Variants in MROH9 observed in about 807,000 individuals in gnomAD.
The protein encoded by MROH9 is maestro heat like repeat family member 9.
MROH9 carries 92 observed loss-of-function variants against 98.2 expected under a neutral mutation model. The ratio of observed to expected loss-of-function variants is 0.94; its 90% CI spans 0.79 to 1.11. The LOEUF is 1.11. Among genes scored for constraint, MROH9 ranks in the 50% most tolerant of loss-of-function variants. The pLI is 0.00. For missense variants in MROH9, 1,057 were observed against 1,014.8 expected (o/e 1.04, Z -0.57); for synonymous variants, 397 against 368.9 (o/e 1.08, Z -0.87).
chr1:171,020,127 G>T (rs994017157), intron 17 of MROH9, among the ~76,000 whole-genome samples: 4 of 152,076 alleles, frequency 2.6e-5, no homozygotes, highest in African/African-American at 9.7e-5. Context: ...GTAATTAATA[G>T]CCTACTGATA....
At chr1:171,004,616 G>A (rs1369003018) in intron 15 of MROH9, among the ~76,000 whole-genome samples, 5 of 152,274 alleles carry the variant, frequency 3.3e-5, no homozygotes, top group Non-Finnish European at 5.9e-5. Flanking sequence ...TATCTTCCGG[G>A]TCCTGCAGGA....
intron 21 of MROH9, among the ~76,000 whole-genome samples, chr1:171,062,472 G>A (rs1429948549): frequency 1.3e-5 from 2 of 152,066 alleles, no homozygotes; most frequent in African/African-American, 4.8e-5. Flanking sequence ...AGAGCCCTTG[G>A]GAACTTCAGA....
Position 170,999,405 on chromosome 1 carries a change from AC to A in MROH9, c.1596+1132del, listed in dbSNP as rs1651710108. ...GCTTAGCTCTCACATATCACAGAGA[AC>A]ATACCATGTTTGGTTTTCCATTCCT... On this transcript the variant is annotated intron_variant, in intron 15 of 21. Transcript: ENST00000367759. 2.6e-5 allele frequency among the ~76,000 whole-genome samples: 4 copies of A among 152,132 alleles called. No homozygotes were observed. The South Asian group carries it at 8.3e-4, about 31-fold the overall frequency.
intron 8 of MROH9, among the ~76,000 whole-genome samples, chr1:170,982,210 C>T (rs1172502367): frequency 1.3e-5 from 2 of 151,926 alleles, no homozygotes; most frequent in East Asian, 3.9e-4. Context: ...CATTAACAAG[C>T]AAATAGATAA....
At chr1:170,991,707 T>A (rs1651362201) in intron 11 of MROH9, among the ~76,000 whole-genome samples, 1 of 152,136 alleles carries the variant, frequency 6.6e-6, no homozygotes, top group Non-Finnish European at 1.5e-5. Flanking sequence ...TTGTTTTTAT[T>A]TTTATTATTT....
At chr1:171,052,122 T>C (rs1366826873) in intron 20 of MROH9, among the ~76,000 whole-genome samples, 3 of 152,182 alleles carry the variant, frequency 2.0e-5, no homozygotes. Context: ...TCTTGGGAGA[T>C]TGTATGTTTC....
chr1:171,041,346 G>GGTGT, intron 20 of MROH9, among the ~76,000 whole-genome samples: 1 of 56,726 alleles, frequency 1.8e-5, no homozygotes, highest in Non-Finnish European at 3.5e-5. Flanking sequence ...AGTATTCCAT[G>GGTGT]ATGTGTGTGT....
chr1:170,947,737 A>G (rs1557869092), intron 3 of MROH9, among the ~76,000 whole-genome samples, 164 bp downstream of exon 3: 1 of 152,012 alleles, frequency 6.6e-6, no homozygotes, highest in Non-Finnish European at 1.5e-5. Flanking sequence ...TTTTACCTGT[A>G]TGTCCCTGCA....
chr1:170,943,405 A>G (rs1045033910), intron 1 of MROH9, among the ~76,000 whole-genome samples: 2 of 152,064 alleles, frequency 1.3e-5, no homozygotes, highest in African/African-American at 4.8e-5. Flanking sequence ...GAAATGAGAT[A>G]AAATATAAGC....
chr1:170,987,010 C>T (rs530343921), intron 10 of MROH9, among the ~76,000 whole-genome samples: 5 of 151,538 alleles, frequency 3.3e-5, no homozygotes, highest in Non-Finnish European at 7.4e-5. Flanking sequence ...ACCACCACAC[C>T]CGGCTAATTT....
Position 170,998,011 on chromosome 1 carries a change from A to G in MROH9, c.1476-143A>G, listed in dbSNP as rs1651645821. On this transcript the variant is annotated intron_variant, in intron 14 of 21. Transcript: ENST00000367759. Reference sequence around the variant, plus strand: ...ATTCTCCAGAGTATGTGTAGAATTCATAGTGGGACAATTTATTTAGGGAAT... The same window carrying G: ...ATTCTCCAGAGTATGTGTAGAATTCGTAGTGGGACAATTTATTTAGGGAAT... The G allele has an allele frequency of 1.7e-5, 11 of 629,670 alleles. No homozygotes were observed. In the South Asian group the frequency reaches 2.2e-4, roughly 13 times the overall value. The allele number at this position is 629,670 out of a possible 1,614,324, so 39.0% of individuals were successfully genotyped here.
At chr1:170,962,745 T>C (rs764772182) in intron 6 of MROH9, among the ~76,000 whole-genome samples, 26 of 152,236 alleles carry the variant, frequency 1.7e-4, no homozygotes, top group South Asian at 1.2e-3. Flanking sequence ...TTTTAATTCA[T>C]TTAAAAAATG....
intron 3 of MROH9, among the ~76,000 whole-genome samples, chr1:170,952,952 C>T (rs929990018): frequency 1.3e-5 from 2 of 151,894 alleles, no homozygotes. Flanking sequence ...AACACAAAAT[C>T]TTTTGTAATC....
At chr1:171,022,167 A>G (rs567727450) in intron 17 of MROH9, among the ~76,000 whole-genome samples, 46 of 152,346 alleles carry the variant, frequency 3.0e-4, no homozygotes, top group Middle Eastern at 3.4e-3. Context: ...AATTAATTCA[A>G]CTATTGTGGA....
chr1:171,056,672 C>T (rs1653847202), intron 20 of MROH9, among the ~76,000 whole-genome samples: 1 of 152,216 alleles, frequency 6.6e-6, no homozygotes, highest in Admixed American at 6.5e-5. Context: ...TGCCACCCAA[C>T]TGGGTGACAA....
At chr1:171,043,266 T>G (rs1430146547) in intron 20 of MROH9, among the ~76,000 whole-genome samples, 2 of 152,134 alleles carry the variant, frequency 1.3e-5, no homozygotes, top group Non-Finnish European at 2.9e-5. Context: ...TTGTCATCTT[T>G]GTCAAAAATG....
chr1:170,946,365 A>G (rs1420589940), intron 2 of MROH9, among the ~76,000 whole-genome samples: 3 of 152,026 alleles, frequency 2.0e-5, no homozygotes, highest in Non-Finnish European at 4.4e-5. Flanking sequence ...CAAGGTCATA[A>G]ACAAGGAAAG....
At chr1:171,059,431 A>G (rs903671836) in intron 20 of MROH9, among the ~76,000 whole-genome samples, 1 of 152,198 alleles carries the variant, frequency 6.6e-6, no homozygotes, top group Admixed American at 6.5e-5. Context: ...ATGCTTTTAC[A>G]CTGTTGGTGG....
At chr1:171,041,954 G>A (rs1364462679) in intron 20 of MROH9, among the ~76,000 whole-genome samples, 2 of 152,028 alleles carry the variant, frequency 1.3e-5, no homozygotes, top group Non-Finnish European at 1.5e-5. Context: ...GGAAAATGGG[G>A]TATTCATCCC....
Sources: gnomAD v4.1 joint callset for allele counts (sites outside exome capture counted in the v4.1 genomes callset) on GRCh38, gnomAD v4.1.1 for gene constraint, MANE v1.5 for transcripts, NCBI Gene and HGNC (gene_info 2026-07-23, HGNC 2026-07-21) for gene names.